KCTD10: variants seen among roughly 807,000 people sequenced by gnomAD.
KCTD10 encodes the protein BTB/POZ domain-containing adapter for CUL3-mediated RhoA degradation protein 3.
In KCTD10, 13 loss-of-function variants were observed where a neutral mutation model predicts 34.6. That is an observed-to-expected ratio of 0.38 (90% confidence interval 0.24 to 0.60). KCTD10 has a LOEUF of 0.60. KCTD10 is among the 20% of genes least tolerant of loss of function. The pLI is 0.66. For missense variants in KCTD10, 256 were observed against 420.3 expected (o/e 0.61, Z 3.42); for synonymous variants, 156 against 168.8 (o/e 0.92, Z 0.59).
chr12:109,465,904 G>A (rs909028091), intron 2 of KCTD10, among the ~76,000 whole-genome samples: 2 of 152,156 alleles, frequency 1.3e-5, no homozygotes, highest in Non-Finnish European at 2.9e-5. Flanking sequence ...AAATACATTA[G>A]CAAGACATCA....
At chr12:109,465,081 CT>C (rs1016767353) in intron 2 of KCTD10, among the ~76,000 whole-genome samples, 52 of 152,164 alleles carry the variant, frequency 3.4e-4, no homozygotes, top group Admixed American at 3.4e-3. Context: ...GTGGCAAAGG[CT>C]GGGCAGCATC....
At chr12:109,473,417 C>G (rs964875110) in intron 1 of KCTD10, among the ~76,000 whole-genome samples, 1 of 152,192 alleles carries the variant, frequency 6.6e-6, no homozygotes, top group African/African-American at 2.4e-5. Context: ...TGAGTAAACA[C>G]TCCAAACACT....
chr12:109,477,166 A>AC, intron 1 of KCTD10, 94 bp downstream of exon 1: 1 of 1,466,598 alleles, frequency 6.8e-7, no homozygotes, highest in South Asian at 1.3e-5. Context: ...GCCCCTCATC[A>AC]CACCCCCTCC....
At chr12:109,477,125 A>G (rs1874403791) in intron 1 of KCTD10, 135 bp downstream of exon 1, 3 of 931,156 alleles carry the variant, frequency 3.2e-6, no homozygotes, top group South Asian at 2.2e-5. Context: ...CCCCTAACCA[A>G]TCCCCCAAAT....
At position 109,460,560 on chromosome 12, in the gene KCTD10, T is replaced by G; in HGVS notation, c.387+76A>C. Reference sequence around the variant, plus strand: ...AGTCAGACAGAAACTGCCCCCATTTTGCAGAGAGGGAAAATGAGGAAGGCA... The same window carrying G: ...AGTCAGACAGAAACTGCCCCCATTTGGCAGAGAGGGAAAATGAGGAAGGCA... On this transcript the variant is annotated intron_variant, in intron 3 of 6. Coordinates refer to ENST00000228495, the MANE Select transcript of KCTD10 (RefSeq NM_031954.5). The surrounding 1 kb of genome is among the most constrained non-coding windows in gnomAD (Gnocchi z 4.5). The G allele has an allele frequency of 6.8e-7, 1 of 1,462,134 alleles. No homozygotes were observed. Among genetic ancestry groups the G allele is most frequent in the Non-Finnish European group, 9.4e-7 (1 of 1,067,704 alleles). The allele number at this position is 1,462,134 out of a possible 1,614,324, so 90.6% of individuals were successfully genotyped here. A position where few individuals can be genotyped will look rare whatever the true frequency, so the allele number is the denominator to read the frequency against.
intron 2 of KCTD10, among the ~76,000 whole-genome samples, chr12:109,468,803 C>A (rs1485282399): frequency 6.6e-6 from 1 of 152,078 alleles, no homozygotes; most frequent in African/African-American, 2.4e-5. Context: ...CAGGCACCCA[C>A]CACCACGCCC....
At chr12:109,471,192 C>G in intron 1 of KCTD10, 1 of 985,412 alleles carries the variant, frequency 1.0e-6, no homozygotes, top group Non-Finnish European at 1.2e-6. Context: ...ACAACTATAA[C>G]TGGTAAAACA....
At chr12:109,458,135 A>C (rs1239134072) in intron 3 of KCTD10, 57 bp from the exon 4 acceptor site, 2 of 1,421,048 alleles carry the variant, frequency 1.4e-6, no homozygotes, top group African/African-American at 1.4e-5. Flanking sequence ...TGCATTTTTA[A>C]AGTTGACCGG....
intron 1 of KCTD10, chr12:109,471,375 G>A: frequency 1.1e-5 from 11 of 985,448 alleles, no homozygotes; most frequent in Non-Finnish European, 1.3e-5. Flanking sequence ...CCATGTCAGG[G>A]CCCTGCAGAG....
At chr12:109,458,118 C>CT (rs763620974) in intron 3 of KCTD10, 40 bp from the exon 4 acceptor site, 1 of 1,532,228 alleles carries the variant, frequency 6.5e-7, no homozygotes, top group Non-Finnish European at 9.0e-7. Context: ...GGAGGCCTGC[C>CT]TAGCACTGCA....
intron 6 of KCTD10, among the ~76,000 whole-genome samples, chr12:109,454,679 T>C (rs1336995565): frequency 6.6e-6 from 1 of 152,200 alleles, no homozygotes; most frequent in Non-Finnish European, 1.5e-5. Context: ...CATTGAGCTA[T>C]GATTGTGTCA....
At chr12:109,470,441 C>G (rs1162887610) in intron 1 of KCTD10, 3 of 985,390 alleles carry the variant, frequency 3.0e-6, no homozygotes, top group East Asian at 2.3e-4. Flanking sequence ...GGCTGACTCT[C>G]TGTACATCTC....
intron 1 of KCTD10, chr12:109,470,510 C>T: frequency 5.1e-6 from 5 of 985,440 alleles, no homozygotes; most frequent in Non-Finnish European, 6.0e-6. Flanking sequence ...TGGTATCCGG[C>T]ACATGTGTAC....
At position 109,460,997 on chromosome 12, in the gene KCTD10, C is replaced by A. The variant is rs1174304689; in HGVS notation, c.218-192G>T. Among the ~76,000 whole-genome samples, 1 of 152,188 alleles carries A rather than the reference C, an allele frequency of 6.6e-6. No individual in the cohort carries two copies. Among genetic ancestry groups the A allele is most frequent in the African/African-American group, 2.4e-5 (1 of 41,436 alleles). ...CCCCACAGCCTCCAGGCCCTACTGG[C>A]TGGACACAACCATAACCCCAGGTGA... On this transcript the variant is annotated intron_variant, in intron 2 of 6. Transcript: ENST00000228495. This position sits in a 1 kb window ranked among gnomAD's most constrained non-coding sequence, Gnocchi z 4.5.
intron 1 of KCTD10, chr12:109,469,935 G>C: frequency 1.6e-6 from 2 of 1,262,026 alleles, no homozygotes; most frequent in Non-Finnish European, 2.1e-6. Context: ...AACTGGGCTA[G>C]CAGGGGAACA....
intron 3 of KCTD10, chr12:109,459,014 T>G (rs144077041): frequency 6.6e-6 from 1 of 152,192 alleles, no homozygotes; most frequent in African/African-American, 2.4e-5. Context: ...CTCTTTAACA[T>G]GAGAACAAAA....
At chr12:109,462,953 C>T (rs1251569774) in intron 2 of KCTD10, among the ~76,000 whole-genome samples, 3 of 152,078 alleles carry the variant, frequency 2.0e-5, no homozygotes, top group African/African-American at 7.2e-5. Context: ...AGGGAAAGAC[C>T]GTATTATCTT....
rs1202500904 is a variant in KCTD10, at chr12:109,449,342, TAG to T, written c.*2251_*2252del. On this transcript the variant is annotated 3_prime_UTR_variant, in exon 7 of 7. Transcript: ENST00000228495. ...TCAAAACTACAAGTGCAAAGTTGGG[TAG>T]AGAGAGCTGCCAGAAACACTAGCTC... 6.6e-6 allele frequency: 1 copy of T among 152,174 alleles called. No individual in the cohort carries two copies. Among genetic ancestry groups the T allele is most frequent in the Non-Finnish European group, 1.5e-5 (1 of 68,030 alleles). 9.4% of individuals were successfully genotyped at this position (152,174 alleles called of 1,614,324 possible).
intron 6 of KCTD10, among the ~76,000 whole-genome samples, chr12:109,453,494 T>C (rs1330370273): frequency 6.6e-6 from 1 of 152,104 alleles, no homozygotes; most frequent in Non-Finnish European, 1.5e-5. Context: ...TGCTCAGTCC[T>C]TTTCTTTATT....
Sources: allele counts gnomAD v4.1 joint callset (sites outside exome capture counted in the v4.1 genomes callset), GRCh38; gene constraint gnomAD v4.1.1; non-coding constraint Gnocchi (gnomAD v3.1); transcripts MANE v1.5; gene names NCBI Gene and HGNC (gene_info 2026-07-23, HGNC 2026-07-21).